Variants in SYT9 observed in about 807,000 individuals in gnomAD.
SYT9 encodes the protein synaptotagmin-9.
In SYT9, 22 loss-of-function variants were observed where a neutral mutation model predicts 48.4. The observed-to-expected ratio is 0.45, with a 90% confidence interval of 0.32 to 0.65. The LOEUF (loss-of-function observed/expected upper bound fraction) is 0.65, where lower values mean the gene tolerates loss of function less well. SYT9 is among the 30% of genes least tolerant of loss of function. The probability of loss-of-function intolerance (pLI) is 0.03; values close to 1 mark genes in which losing one functional copy is unlikely to be tolerated. For synonymous variants in SYT9, 265 were observed against 245.0 expected, an observed-to-expected ratio of 1.08 and a Z score of -0.76; for missense variants, 577 against 622.0, an observed-to-expected ratio of 0.93 and a Z score of 0.77.
chr11:7,247,737 T>A (rs556699256), upstream of SYT9, among the ~76,000 whole-genome samples: 1 of 150,796 alleles, frequency 6.6e-6, no homozygotes, highest in East Asian at 2.0e-4. Flanking sequence ...TTGATGGACA[T>A]TTGGGTCGGT....
Position 7,252,071 on chromosome 11 carries a change from C to T in SYT9, c.-116C>T, listed in dbSNP as rs1847877562. On this transcript the variant is annotated 5_prime_UTR_variant, in exon 1 of 7. Coordinates refer to ENST00000318881, the MANE Select transcript of SYT9 (RefSeq NM_175733.4). The surrounding 1 kb of genome is among the most constrained non-coding windows in gnomAD (Gnocchi z 6.3). ...TCGGGCTCAGGCTCGCACCGTTTCT[C>T]GGCAGGTCCCTGGCGGTGAGCGCGG... 8.3e-7 allele frequency: 1 copy of T among 1,204,850 alleles called. No homozygotes were observed. The highest frequency in any genetic ancestry group is 1.1e-6 in the Non-Finnish European group (1 of 937,044). The allele number at this position is 1,204,850 out of a possible 1,614,324, so 74.6% of individuals were successfully genotyped here.
At chr11:7,445,122 A>G (rs573933916) in intron 6 of SYT9, among the ~76,000 whole-genome samples, 175 of 152,348 alleles carry the variant, frequency 1.1e-3, no homozygotes, top group Non-Finnish European at 2.0e-3. Context: ...TAGCAACACA[A>G]CAATAGATCC....
intron 3 of SYT9, among the ~76,000 whole-genome samples, chr11:7,385,367 T>TGCGTGTGTGTGTGC (rs1554917002): frequency 6.7e-6 from 1 of 149,908 alleles, no homozygotes; most frequent in Non-Finnish European, 1.5e-5. Context: ...TGTGTGTGTG[T>TGCGTGTGTGTGTGC]GTGCGTGTGT....
At chr11:7,367,053 C>T (rs919851597) in intron 3 of SYT9, among the ~76,000 whole-genome samples, 2 of 144,920 alleles carry the variant, frequency 1.4e-5, no homozygotes, top group Admixed American at 1.4e-4. Context: ...TATCATTACC[C>T]TTCTTTCCAG....
At position 7,273,545 on chromosome 11, in the gene SYT9, A is replaced by G. The variant is rs568668060; in HGVS notation, c.145+21214A>G. 3.9e-5 allele frequency among the ~76,000 whole-genome samples: 6 copies of G among 152,248 alleles called. No homozygotes were observed. The South Asian group carries it at 1.2e-3, about 32-fold the overall frequency. Reference sequence around the variant, plus strand: ...AAAAATCAGGAGTGTTTACCCTCTGATATCACAAGAGTTGCTTAAAAGAAC... The same window carrying G: ...AAAAATCAGGAGTGTTTACCCTCTGGTATCACAAGAGTTGCTTAAAAGAAC... On this transcript the variant is annotated intron_variant, in intron 1 of 6. Coordinates refer to ENST00000318881, the MANE Select transcript of SYT9 (RefSeq NM_175733.4).
chr11:7,349,545 A>G (rs900367157), intron 3 of SYT9, among the ~76,000 whole-genome samples: 3 of 152,068 alleles, frequency 2.0e-5, no homozygotes, highest in Non-Finnish European at 2.9e-5. Context: ...TACAGGGGCC[A>G]CCTACTCATC....
Position 7,421,848 on chromosome 11 carries a change from A to G in SYT9, c.1467+1213A>G, listed in dbSNP as rs1388817244. 2.6e-5 allele frequency among the ~76,000 whole-genome samples: 4 copies of G among 152,238 alleles called. No individual in the cohort carries two copies. The East Asian group carries it at 5.8e-4, about 22-fold the overall frequency. ...TGTAAACTAATCTTCGAGAGGCACA[A>G]ATACAAGCATTTCCATCCATATAAA... On this transcript the variant is annotated intron_variant, in intron 6 of 6. Transcript: ENST00000318881.
intron 3 of SYT9, among the ~76,000 whole-genome samples, chr11:7,394,817 C>T (rs1378318972): frequency 6.6e-6 from 1 of 151,982 alleles, no homozygotes; most frequent in East Asian, 1.9e-4. Flanking sequence ...AGGTGTATAT[C>T]CCTGTAAACT....
Position 7,416,047 on chromosome 11 carries a change from C to T in SYT9, c.1050C>T (p.Asn350=), listed in dbSNP as rs374215551. ...WKDIEYVTND[N]VDLGELMFSL... ...AGTTTGTGCTTTCTCAACAGGACAA[C>T]GTGGATCTGGGAGAGCTGATGTTTT... Residue 350 remains asparagine (N), a synonymous_variant, in exon 4 of 7, where the codon AAC becomes AAT. Coordinates refer to ENST00000318881, the MANE Select transcript of SYT9 (RefSeq NM_175733.4). The T allele has an allele frequency of 1.7e-4, 271 of 1,614,120 alleles. 1 individual carries two copies. In the Admixed American group the frequency reaches 2.0e-3, roughly 12 times the overall value.
intron 6 of SYT9, among the ~76,000 whole-genome samples, chr11:7,433,720 G>C (rs759171068): frequency 1.1e-4 from 17 of 152,214 alleles, no homozygotes; most frequent in Admixed American, 6.5e-5. Flanking sequence ...GACACAGAAT[G>C]ATGGCCCCAT....
chr11:7,274,050 C>T (rs947646662), intron 1 of SYT9, among the ~76,000 whole-genome samples: 1 of 152,134 alleles, frequency 6.6e-6, no homozygotes, highest in Non-Finnish European at 1.5e-5. Flanking sequence ...ACATGTATCC[C>T]AGAACTTAAA....
At chr11:7,390,189 G>A (rs1850736472) in intron 3 of SYT9, among the ~76,000 whole-genome samples, 1 of 152,054 alleles carries the variant, frequency 6.6e-6, no homozygotes, top group Non-Finnish European at 1.5e-5. Flanking sequence ...CTGTATCCAT[G>A]TGTTCTCATT....
At chr11:7,384,094 C>A (rs1032596325) in intron 3 of SYT9, among the ~76,000 whole-genome samples, 9 of 141,984 alleles carry the variant, frequency 6.3e-5, no homozygotes, top group African/African-American at 2.3e-4. Context: ...ACACACACAC[C>A]CTCACACCTT....
chr11:7,381,638 C>T (rs1378344029), intron 3 of SYT9, among the ~76,000 whole-genome samples: 1 of 152,184 alleles, frequency 6.6e-6, no homozygotes, highest in Non-Finnish European at 1.5e-5. Context: ...TGTACCACAC[C>T]TTCCCTGACT....
chr11:7,414,770 A>C (rs546126207), intron 3 of SYT9, among the ~76,000 whole-genome samples: 57 of 152,318 alleles, frequency 3.7e-4, no homozygotes, highest in Middle Eastern at 3.4e-3. Context: ...CAATCAAGAA[A>C]GGGAGGTTGG....
chr11:7,269,796 C>G (rs1848261540), intron 1 of SYT9, among the ~76,000 whole-genome samples: 1 of 152,126 alleles, frequency 6.6e-6, no homozygotes, highest in Non-Finnish European at 1.5e-5. Context: ...GATAAATTGT[C>G]ACTTCAAATG....
At chr11:7,375,426 T>C (rs1296353910) in intron 3 of SYT9, among the ~76,000 whole-genome samples, 1 of 152,212 alleles carries the variant, frequency 6.6e-6, no homozygotes, top group Non-Finnish European at 1.5e-5. Context: ...ATATGAAATT[T>C]AAAGTAGTTT....
chr11:7,303,444 C>A, intron 2 of SYT9, 54 bp downstream of exon 2: 1 of 1,449,674 alleles, frequency 6.9e-7, no homozygotes, highest in Non-Finnish European at 9.3e-7. Context: ...CCATTCCCCT[C>A]TCTGGCAACA....
intron 3 of SYT9, among the ~76,000 whole-genome samples, chr11:7,348,568 C>T (rs1042753917): frequency 3.3e-5 from 5 of 151,992 alleles, no homozygotes; most frequent in Non-Finnish European, 7.4e-5. Context: ...CTCTTGTTAG[C>T]ATTTAATACC....
Sources: gnomAD v4.1 joint callset for allele counts (sites outside exome capture counted in the v4.1 genomes callset) on GRCh38, gnomAD v4.1.1 for gene constraint, Gnocchi (gnomAD v3.1) non-coding constraint, MANE v1.5 for transcripts, NCBI Gene and HGNC (gene_info 2026-07-23, HGNC 2026-07-21) for gene names.